The following PAPPA2 variants were observed in gnomAD, a reference collection of about 807,000 sequenced individuals.
The protein encoded by PAPPA2 is pappalysin-2.
Under a neutral mutation model 176.4 loss-of-function variants are expected in PAPPA2, and 86 were observed. The ratio of observed to expected loss-of-function variants is 0.49; its 90% CI spans 0.41 to 0.58. The LOEUF is 0.58. Among genes scored for constraint, PAPPA2 ranks in the 20% least tolerant of loss-of-function variants. The probability of loss-of-function intolerance (pLI) is 0.00; values close to 1 mark genes in which losing one functional copy is unlikely to be tolerated. For synonymous variants in PAPPA2, 809 were observed against 852.2 expected, an observed-to-expected ratio of 0.95 and a Z score of 0.88; for missense variants, 2,073 against 2,256.9, an observed-to-expected ratio of 0.92 and a Z score of 1.65.
At chr1:176,700,772 CA>C (rs1250226285) in intron 8 of PAPPA2, among the ~76,000 whole-genome samples, 2 of 152,162 alleles carry the variant, frequency 1.3e-5, no homozygotes, top group African/African-American at 2.4e-5. Context: ...ATGAAAGAGG[CA>C]GCAAAGTCAC....
At chr1:176,472,682 T>C (rs1329458959) in intron 1 of PAPPA2, among the ~76,000 whole-genome samples, 2 of 152,136 alleles carry the variant, frequency 1.3e-5, no homozygotes, top group Non-Finnish European at 2.9e-5. Context: ...TAAATAACCT[T>C]ATGAGCTCAT....
intron 19 of PAPPA2, among the ~76,000 whole-genome samples, chr1:176,792,096 A>G (rs1310655060): frequency 6.6e-6 from 1 of 152,160 alleles, no homozygotes. Flanking sequence ...ACTGAAAGAG[A>G]TGATTTGACA....
rs200667738 is a variant in PAPPA2 at position 176,623,576 on chromosome 1, CTCCTTCCTTCCTTCCTTCCT to C, written c.1991+28011_1991+28030del. On this transcript the variant is annotated intron_variant, in intron 3 of 22. Coordinates refer to ENST00000367662, the MANE Select transcript of PAPPA2 (RefSeq NM_020318.3). ...ATTTTCCCCTTCCTTCCTTCCTTCC[CTCCTTCCTTCCTTCCTTCCT>C]TCCTTCCTTCCTTCCTTCCTTCCTT... Among the ~76,000 whole-genome samples the C allele has an allele frequency of 1.3e-3, 109 of 84,974 alleles. 3 individuals are homozygous for C. In the East Asian group the frequency reaches 0.025, roughly 20 times the overall value. 55.7% of individuals were successfully genotyped at this position (84,974 alleles called of 152,430 possible).
intron 17 of PAPPA2, among the ~76,000 whole-genome samples, chr1:176,783,815 G>A (rs1304556161): frequency 2.0e-5 from 3 of 152,148 alleles, no homozygotes; most frequent in Admixed American, 6.5e-5. Flanking sequence ...GCATGAGAAG[G>A]TAGCATGAAT....
chr1:176,558,565 G>C (rs919218197), intron 2 of PAPPA2, among the ~76,000 whole-genome samples: 1 of 152,068 alleles, frequency 6.6e-6, no homozygotes, highest in Non-Finnish European at 1.5e-5. Flanking sequence ...TTTTATTTTT[G>C]GGTGGGAGAG....
chr1:176,639,320 C>A (rs928810791), intron 3 of PAPPA2, among the ~76,000 whole-genome samples: 1 of 152,036 alleles, frequency 6.6e-6, no homozygotes, highest in South Asian at 2.1e-4. Context: ...ATGGCCCCAC[C>A]TAGTTGCATT....
intron 14 of PAPPA2, among the ~76,000 whole-genome samples, chr1:176,765,228 A>C (rs1663910686): frequency 6.6e-6 from 1 of 152,192 alleles, no homozygotes; most frequent in South Asian, 2.1e-4. Flanking sequence ...GTGATCAAAC[A>C]TTTGAAAGAT....
At position 176,815,709 on chromosome 1, in the gene PAPPA2, G is replaced by A. The variant is rs560305044; in HGVS notation, c.5202+15577G>A. Among the ~76,000 whole-genome samples the A allele has an allele frequency of 5.2e-4, 64 of 122,068 alleles. 1 individual carries two copies. The South Asian group carries it at 0.014, about 27-fold the overall frequency. The allele number at this position is 122,068 out of a possible 152,430, so 80.1% of individuals were successfully genotyped here. ...TATACGTGTTAGGGAGACATGAGAC[G>A]TCAATCAACACGTGCAAGATCTACA... On this transcript the variant is annotated intron_variant, in intron 21 of 22. Coordinates refer to ENST00000367662, the MANE Select transcript of PAPPA2 (RefSeq NM_020318.3).
intron 22 of PAPPA2, among the ~76,000 whole-genome samples, chr1:176,840,814 C>T (rs1171258257): frequency 6.6e-6 from 1 of 152,036 alleles, no homozygotes; most frequent in African/African-American, 2.4e-5. Flanking sequence ...TCAAGCTAAG[C>T]CTTATAAAAT....
In PAPPA2 at chr1:176,561,371, C is replaced by T. The variant is rs192217451; in HGVS notation, c.919+4130C>T. Among the ~76,000 whole-genome samples, 6 of 152,272 alleles carry T rather than the reference C, an allele frequency of 3.9e-5. No homozygotes were observed. In the East Asian group the frequency reaches 9.7e-4, roughly 25 times the overall value. On this transcript the variant is annotated intron_variant, in intron 2 of 22. Transcript: ENST00000367662. ...TTACTCATGGCCTGGCAGGAGCTAACAGTGGGAGGCAATCATTACTGGGAG... is the reference window on the plus strand; with the variant it reads ...TTACTCATGGCCTGGCAGGAGCTAATAGTGGGAGGCAATCATTACTGGGAG...
At chr1:176,636,809 A>G (rs1198946035) in intron 3 of PAPPA2, among the ~76,000 whole-genome samples, 1 of 152,178 alleles carries the variant, frequency 6.6e-6, no homozygotes, top group Non-Finnish European at 1.5e-5. Flanking sequence ...TATAAAATAA[A>G]TAATTATTGA....
chr1:176,610,876 AC>A, intron 3 of PAPPA2, among the ~76,000 whole-genome samples: 1 of 152,170 alleles, frequency 6.6e-6, no homozygotes, highest in Non-Finnish European at 1.5e-5. Flanking sequence ...AGTATCTACT[AC>A]GATTTAGACA....
chr1:176,529,641 CAT>C, intron 1 of PAPPA2, among the ~76,000 whole-genome samples: 1 of 152,348 alleles, frequency 6.6e-6, no homozygotes, highest in East Asian at 1.9e-4. Flanking sequence ...GCCACACACA[CAT>C]CTCTTCCAAA....
chr1:176,681,793 A>G (rs1421159173), intron 4 of PAPPA2, among the ~76,000 whole-genome samples: 1 of 152,192 alleles, frequency 6.6e-6, no homozygotes, highest in East Asian at 1.9e-4. Context: ...TTGCAATGGT[A>G]GAACTGCTTG....
At chr1:176,516,541 T>C (rs1002038987) in intron 1 of PAPPA2, among the ~76,000 whole-genome samples, 1 of 152,166 alleles carries the variant, frequency 6.6e-6, no homozygotes, top group Non-Finnish European at 1.5e-5. Flanking sequence ...GATTGGGTTA[T>C]AAGTGCTCTG....
At chr1:176,488,127 C>T (rs1364790626) in intron 1 of PAPPA2, among the ~76,000 whole-genome samples, 2 of 151,994 alleles carry the variant, frequency 1.3e-5, no homozygotes, top group African/African-American at 4.8e-5. Context: ...GAAAATAGGC[C>T]CAGGTAATCC....
intron 1 of PAPPA2, among the ~76,000 whole-genome samples, chr1:176,500,292 G>A (rs74769972): frequency 1.3e-5 from 2 of 151,542 alleles, no homozygotes; most frequent in Non-Finnish European, 2.9e-5. Flanking sequence ...TAAGTTTATA[G>A]GTCAAACTAA....
intron 3 of PAPPA2, chr1:176,616,151 A>G (rs996099517): frequency 1.8e-5 from 5 of 282,080 alleles, no homozygotes; most frequent in South Asian, 4.7e-5. Flanking sequence ...ACTGCCTGTC[A>G]GTACTCCTAT....
chr1:176,820,803 A>G (rs188839726), intron 21 of PAPPA2, among the ~76,000 whole-genome samples: 1 of 151,982 alleles, frequency 6.6e-6, no homozygotes, highest in Non-Finnish European at 1.5e-5. Flanking sequence ...GCTGGGGAAA[A>G]AAAAGTAAAA....
Sources: gnomAD v4.1 joint callset for allele counts (sites outside exome capture counted in the v4.1 genomes callset) on GRCh38, gnomAD v4.1.1 for gene constraint, MANE v1.5 for transcripts, NCBI Gene and HGNC (gene_info 2026-07-23, HGNC 2026-07-21) for gene names.